The following PTPRF variants were observed in gnomAD, a reference collection of about 807,000 sequenced individuals.
The protein encoded by PTPRF is receptor-type tyrosine-protein phosphatase F.
In PTPRF, 59 loss-of-function variants were observed where a neutral mutation model predicts 201.8. That is an observed-to-expected ratio of 0.29 (90% CI 0.24 to 0.36). The LOEUF is 0.36. Among genes scored for constraint, PTPRF ranks in the 10% least tolerant of loss-of-function variants. The probability of loss-of-function intolerance (pLI) is 1.00; values close to 1 mark genes in which losing one functional copy is unlikely to be tolerated. For synonymous variants in PTPRF, 1,088 were observed against 1,089.7 expected (o/e 1.00, Z 0.03); for missense variants, 2,132 against 2,690.5 (o/e 0.79, Z 4.59).
intron 23 of PTPRF, 150 bp from the exon 24 acceptor site, chr1:43,617,295 A>G (rs2154032922): frequency 3.5e-6 from 4 of 1,142,732 alleles, no homozygotes; most frequent in Non-Finnish European, 4.9e-6. Context: ...TGTGAGCTCC[A>G]TGGCTGGCAC....
At chr1:43,596,692 G>A (rs1652348391) in intron 11 of PTPRF, among the ~76,000 whole-genome samples, 1 of 152,220 alleles carries the variant, frequency 6.6e-6, no homozygotes, top group African/African-American at 2.4e-5. Context: ...GGCCACTGGG[G>A]CCACTCTTCC....
intron 11 of PTPRF, among the ~76,000 whole-genome samples, chr1:43,596,888 G>A (rs573781663): frequency 2.6e-5 from 4 of 152,234 alleles, no homozygotes; most frequent in African/African-American, 9.6e-5. Context: ...CTAAGACATT[G>A]TGTGTGAGAG....
In PTPRF at chr1:43,606,179, G is replaced by GC; in HGVS notation, c.3484-59dup. 1.9e-6 allele frequency: 3 copies of GC among 1,540,830 alleles called. No individual in the cohort carries two copies. The South Asian group carries it at 3.7e-5, about 19-fold the overall frequency. On this transcript the variant is annotated intron_variant, in intron 19 of 33. Transcript: ENST00000359947. ...CAGGGAGCTGACATCCCAGGCCACA[G>GC]CCTCAGGGCTGGCCGGCATGCTCCA...
intron 7 of PTPRF, among the ~76,000 whole-genome samples, chr1:43,585,589 G>C (rs994450046): frequency 2.0e-5 from 3 of 152,082 alleles, no homozygotes; most frequent in African/African-American, 7.2e-5. Context: ...CTGCATCTAG[G>C]AGGGAAAAAA....
At chr1:43,584,323 T>A (rs1048895603) in intron 7 of PTPRF, among the ~76,000 whole-genome samples, 1 of 152,172 alleles carries the variant, frequency 6.6e-6, no homozygotes, top group East Asian at 1.9e-4. Context: ...TCTGTGAGGG[T>A]GAGGGAGCCG....
intron 21 of PTPRF, among the ~76,000 whole-genome samples, 185 bp from the exon 22 acceptor site, chr1:43,609,198 C>T (rs1655863530): frequency 1.3e-5 from 2 of 152,204 alleles, no homozygotes; most frequent in African/African-American, 4.8e-5. Flanking sequence ...CCTCCCTGCC[C>T]TGTGTTCTCT....
At chr1:43,620,698 GTGTGAGCACATCTCCCCC>G in intron 31 of PTPRF, 119 bp downstream of exon 31, 1 of 1,532,438 alleles carries the variant, frequency 6.5e-7, no homozygotes, top group South Asian at 1.2e-5. Context: ...GGGTATTAGG[GTGTGAGCACATCTCCCCC>G]TGTGGCCTCG....
Position 43,553,040 on chromosome 1 carries a change from T to C in PTPRF, c.92-452T>C, listed in dbSNP as rs987765567. Among the ~76,000 whole-genome samples the C allele has an allele frequency of 6.6e-6, 1 of 151,990 alleles. No homozygotes were observed. The highest frequency in any genetic ancestry group is 2.4e-5 in the African/African-American group (1 of 41,386). On this transcript the variant is annotated intron_variant, in intron 3 of 33. Coordinates refer to ENST00000359947, the MANE Select transcript of PTPRF (RefSeq NM_002840.5). The surrounding 1 kb of genome is among the most constrained non-coding windows in gnomAD (Gnocchi z 4.1). Reference sequence around the variant, plus strand: ...AGCCCCGGGGTGGATGGTGGTGCCATCACTGAGATGGAGAGCAGGGGGAGG... The same window carrying C: ...AGCCCCGGGGTGGATGGTGGTGCCACCACTGAGATGGAGAGCAGGGGGAGG...
rs1160229313 is a variant in PTPRF, at chr1:43,545,093, C to T, written c.18C>T (p.Ala6=). 6.3e-7 allele frequency: 1 copy of T among 1,582,984 alleles called. No homozygotes were observed. The highest frequency in any genetic ancestry group is 1.7e-4 in the Middle Eastern group (1 of 6,032). MAPEP[A]PGRTMVPLVP... is the part of the protein sequence containing the mutation. Reference sequence around the variant, plus strand: ...AGCCCTGGATGGCCCCTGAGCCAGCCCCAGGGAGGACGATGGTGCCCCTTG... The same window carrying T: ...AGCCCTGGATGGCCCCTGAGCCAGCTCCAGGGAGGACGATGGTGCCCCTTG... The change falls in exon 3 of 34, where the codon GCC becomes GCT. Residue 6 remains alanine, a synonymous_variant. Coordinates refer to ENST00000359947, the MANE Select transcript of PTPRF (RefSeq NM_002840.5).
At chr1:43,612,145 G>A (rs1234595645) in intron 22 of PTPRF, among the ~76,000 whole-genome samples, 3 of 152,152 alleles carry the variant, frequency 2.0e-5, no homozygotes, top group South Asian at 2.1e-4. Flanking sequence ...TTGTGCAAGG[G>A]ACGAGAGGAC....
intron 23 of PTPRF, among the ~76,000 whole-genome samples, chr1:43,615,551 C>CT (rs68193223): frequency 0.14 from 11,822 of 83,294 alleles, 2,832 homozygotes; most frequent in East Asian, 0.22. Flanking sequence ...GCTCTGTTGT[C>CT]TTTTTTTTTT....
At chr1:43,600,872 G>A (rs527644487) in intron 13 of PTPRF, among the ~76,000 whole-genome samples, 67 of 150,590 alleles carry the variant, frequency 4.4e-4, no homozygotes, top group Non-Finnish European at 8.3e-4. Flanking sequence ...TTCATCCTCC[G>A]TCCTTCCCTT....
rs530318417 is a variant in PTPRF, at chr1:43,592,508, C to G, written c.1720C>G (p.Pro574Ala). The G allele has an allele frequency of 6.2e-7, 1 of 1,613,118 alleles. No individual in the cohort carries two copies. Among genetic ancestry groups the G allele is most frequent in the South Asian group, 1.1e-5 (1 of 90,998 alleles). Reference sequence around the variant, plus strand: ...CTCCTACACACTAGAGGACCTGAAGCCTGACACACTCTACCGCTTCCAGCT... The same window carrying G: ...CTCCTACACACTAGAGGACCTGAAGGCTGACACACTCTACCGCTTCCAGCT... ...TSSYTLEDLK[P>A]DTLYRFQLAA... Residue 574 changes from proline (P) to alanine (A), a missense_variant, in exon 11 of 34, where the codon CCT (proline) becomes GCT (alanine). Physicochemically the swap from Pro to Ala is conservative, Grantham distance 27 (BLOSUM62 -1). Coordinates refer to ENST00000359947, the MANE Select transcript of PTPRF (RefSeq NM_002840.5).
At chr1:43,572,484 A>G in intron 6 of PTPRF, among the ~76,000 whole-genome samples, 1 of 152,038 alleles carries the variant, frequency 6.6e-6, no homozygotes, top group East Asian at 1.9e-4. Context: ...CAACCATCCC[A>G]CCTCTGCAGT....
intron 30 of PTPRF, 81 bp from the exon 31 acceptor site, chr1:43,620,373 T>G (rs1014409442): frequency 6.6e-7 from 1 of 1,524,088 alleles, no homozygotes. Context: ...CTGAGGCATC[T>G]GTCCCAGAAT....
chr1:43,562,743 C>G (rs574944174), intron 5 of PTPRF, among the ~76,000 whole-genome samples: 1 of 152,186 alleles, frequency 6.6e-6, no homozygotes, highest in South Asian at 2.1e-4. Context: ...CGTGATCAAA[C>G]TTAAGCTTCA....
At position 43,589,131 on chromosome 1, in the gene PTPRF, G is replaced by A. The variant is rs17849126; in HGVS notation, c.949+131G>A. ...TTCTTGCCCTTTCCTGGGTGTCCCT[G>A]CCCTGGGGTCCTCCAGCCCTTAGAG... On this transcript the variant is annotated intron_variant, in intron 8 of 33. Transcript: ENST00000359947. 975 of 1,123,016 alleles carry A rather than the reference G, an allele frequency of 8.7e-4. 10 individuals carry two copies. In the East Asian group the frequency reaches 0.016, roughly 19 times the overall value. 69.6% of individuals were successfully genotyped at this position (1,123,016 alleles called of 1,614,324 possible).
chr1:43,524,129 C>G (rs754439171), upstream of PTPRF, among the ~76,000 whole-genome samples: 8 of 150,286 alleles, frequency 5.3e-5, no homozygotes, highest in Non-Finnish European at 1.2e-4. Flanking sequence ...AAACCAAATA[C>G]CGTACATCCT....
Position 43,583,643 on chromosome 1 carries a change from G to GAA in PTPRF, c.679+4724_679+4725insAA, listed in dbSNP as rs140696290. Among the ~76,000 whole-genome samples, 947 of 152,292 alleles carry GAA rather than the reference G, an allele frequency of 6.2e-3. 13 individuals carry two copies. The highest frequency in any genetic ancestry group is 0.021 in the African/African-American group (884 of 41,554). On this transcript the variant is annotated intron_variant, in intron 7 of 33. Coordinates refer to ENST00000359947, the MANE Select transcript of PTPRF (RefSeq NM_002840.5). ...GTCCTGCAGTGTGTACCCTGTCCTTGAGGCCCTCAGGTCCCCCACCAGGGC... is the reference window on the plus strand; with the variant it reads ...GTCCTGCAGTGTGTACCCTGTCCTTGAAAGGCCCTCAGGTCCCCCACCAGGGC...
Sources: gnomAD v4.1 joint callset for allele counts (sites outside exome capture counted in the v4.1 genomes callset) on GRCh38, gnomAD v4.1.1 for gene constraint, Gnocchi (gnomAD v3.1) non-coding constraint, MANE v1.5 for transcripts, NCBI Gene and HGNC (gene_info 2026-07-23, HGNC 2026-07-21) for gene names.